Variants in ITGB3BP observed in about 807,000 individuals in gnomAD.
The protein encoded by ITGB3BP is centromere protein R.
A neutral mutation model predicts 29.1 loss-of-function variants in ITGB3BP; 27 were observed. That is an observed-to-expected ratio of 0.93 (90% CI 0.68 to 1.28). The LOEUF is 1.28. Ranked by LOEUF, ITGB3BP falls within the 50% of genes most tolerant of loss-of-function variation. ITGB3BP has a pLI of 0.00. For synonymous variants in ITGB3BP, 61 were observed against 61.4 expected (o/e 0.99, Z 0.03); for missense variants, 192 against 200.2 (o/e 0.96, Z 0.25).
At chr1:63,495,613 C>T (rs1428860947) in intron 2 of ITGB3BP, among the ~76,000 whole-genome samples, 2 of 150,770 alleles carry the variant, frequency 1.3e-5, no homozygotes, top group Admixed American at 6.6e-5. Flanking sequence ...GGGCAGCTGG[C>T]ACTGCCATGT....
At chr1:63,523,245 T>G, upstream of ITGB3BP, 1 of 1,444,414 alleles carries the variant, frequency 6.9e-7, no homozygotes. Flanking sequence ...GCGCTGGACG[T>G]TGCGTCAAGC....
intron 4 of ITGB3BP, among the ~76,000 whole-genome samples, chr1:63,470,554 A>T (rs1241032547): frequency 1.3e-5 from 2 of 152,212 alleles, no homozygotes; most frequent in Non-Finnish European, 2.9e-5. Flanking sequence ...TTTTTTCCAC[A>T]TCCAACATTA....
chr1:63,522,626 C>T (rs571971414), intron 1 of ITGB3BP, among the ~76,000 whole-genome samples: 25 of 151,968 alleles, frequency 1.6e-4, no homozygotes, highest in Middle Eastern at 6.8e-3. Context: ...TCATGCAGTA[C>T]AAACTTATTT....
chr1:63,515,289 T>C (rs999110667), intron 1 of ITGB3BP, among the ~76,000 whole-genome samples: 1 of 152,204 alleles, frequency 6.6e-6, no homozygotes, highest in Non-Finnish European at 1.5e-5. Flanking sequence ...TGAGCTGCTT[T>C]GGTACCTTTG....
At chr1:63,457,398 T>G (rs1252292437) in intron 4 of ITGB3BP, 1 of 152,186 alleles carries the variant, frequency 6.6e-6, no homozygotes, top group Non-Finnish European at 1.5e-5. Context: ...GCATTGCTAC[T>G]GAGAGCCCTT....
intron 4 of ITGB3BP, chr1:63,457,541 C>T (rs1484725882): frequency 1.3e-5 from 2 of 152,090 alleles, no homozygotes; most frequent in African/African-American, 4.8e-5. Flanking sequence ...TGAAAACCAA[C>T]GATCTTTCAT....
intron 4 of ITGB3BP, among the ~76,000 whole-genome samples, chr1:63,467,339 A>AT (rs1406835094): frequency 6.6e-6 from 1 of 151,414 alleles, no homozygotes; most frequent in Non-Finnish European, 1.5e-5. Context: ...AATTATAGTT[A>AT]TTTTCTAGGG....
At chr1:63,513,437 C>A (rs562926788) in intron 1 of ITGB3BP, among the ~76,000 whole-genome samples, 2 of 152,106 alleles carry the variant, frequency 1.3e-5, no homozygotes, top group Non-Finnish European at 2.9e-5. Context: ...GCACTTCCTA[C>A]CTTTCCAGCA....
intron 4 of ITGB3BP, among the ~76,000 whole-genome samples, chr1:63,469,074 T>C: frequency 6.6e-6 from 1 of 150,660 alleles, no homozygotes; most frequent in East Asian, 2.0e-4. Flanking sequence ...CTGCCCAACA[T>C]AAAGCTTTGT....
chr1:63,473,500 C>A (rs1381488592), intron 4 of ITGB3BP, among the ~76,000 whole-genome samples: 4 of 144,688 alleles, frequency 2.8e-5, no homozygotes, highest in Non-Finnish European at 6.2e-5. Flanking sequence ...GCCCGGCCAG[C>A]CGCCCAGTCC....
intron 8 of ITGB3BP, chr1:63,443,049 G>C (rs1004774577): frequency 6.6e-6 from 1 of 152,176 alleles, no homozygotes; most frequent in East Asian, 1.9e-4. Flanking sequence ...CTTTTTAAAG[G>C]CTCTGGGAGT....
intron 8 of ITGB3BP, among the ~76,000 whole-genome samples, chr1:63,443,572 C>T (rs1644754406): frequency 6.6e-6 from 1 of 152,108 alleles, no homozygotes; most frequent in Non-Finnish European, 1.5e-5. Flanking sequence ...TTTTATCATA[C>T]ATATGGTAGA....
chr1:63,499,915 C>T (rs1179304433), intron 2 of ITGB3BP, among the ~76,000 whole-genome samples: 1 of 152,154 alleles, frequency 6.6e-6, no homozygotes, highest in Non-Finnish European at 1.5e-5. Flanking sequence ...TTCTTTCCCT[C>T]TAAGATCAGG....
At chr1:63,514,028 A>T (rs1256909336) in intron 1 of ITGB3BP, among the ~76,000 whole-genome samples, 2 of 152,224 alleles carry the variant, frequency 1.3e-5, no homozygotes, top group African/African-American at 4.8e-5. Context: ...AGGGTACCTC[A>T]GGCTCCCTCC....
intron 1 of ITGB3BP, among the ~76,000 whole-genome samples, chr1:63,520,377 G>A (rs1299258704): frequency 1.3e-5 from 2 of 152,094 alleles, no homozygotes; most frequent in Non-Finnish European, 2.9e-5. Context: ...AAAAGTGAAG[G>A]TTTCAACCTA....
At chr1:63,477,581 G>T (rs774795730) in intron 4 of ITGB3BP, among the ~76,000 whole-genome samples, 1 of 152,094 alleles carries the variant, frequency 6.6e-6, no homozygotes, top group East Asian at 1.9e-4. Flanking sequence ...TTAGTAGGGC[G>T]TGGTGGCGTG....
At chr1:63,487,888 C>A (rs751494814) in intron 3 of ITGB3BP, among the ~76,000 whole-genome samples, 1 of 152,036 alleles carries the variant, frequency 6.6e-6, no homozygotes, top group South Asian at 2.1e-4. Flanking sequence ...AATGTTATGA[C>A]GGCTACCGGG....
At position 63,446,845 on chromosome 1, in the gene ITGB3BP, G is replaced by C; in HGVS notation, c.496C>G (p.Leu166Val). The C allele has an allele frequency of 6.2e-6, 10 of 1,609,976 alleles. No individual in the cohort carries two copies. Among genetic ancestry groups the C allele is most frequent in the Non-Finnish European group, 7.6e-6 (9 of 1,176,938 alleles). ...TGLPHKASRH[L>V]DSYEFLKAIL... ...GCTTTAAGGAATTCATAGCTGTCAAGATGACGTGATGCTATATGAAAGAAG... is the reference window on the plus strand; with the variant it reads ...GCTTTAAGGAATTCATAGCTGTCAACATGACGTGATGCTATATGAAAGAAG... Residue 166 changes from leucine to valine, a missense_variant, in exon 8 of 9, where the codon CTT (leucine) becomes GTT (valine). Physicochemically the swap from Leu to Val is conservative, Grantham distance 32 (BLOSUM62 1). Transcript: ENST00000271002.
intron 2 of ITGB3BP, among the ~76,000 whole-genome samples, chr1:63,497,254 A>G (rs1645809406): frequency 6.7e-6 from 1 of 149,274 alleles, no homozygotes; most frequent in African/African-American, 2.6e-5. Flanking sequence ...GCAGTGAAAC[A>G]TGATTATACC....
Sources: allele counts gnomAD v4.1 joint callset (sites outside exome capture counted in the v4.1 genomes callset), GRCh38; gene constraint gnomAD v4.1.1; transcripts MANE v1.5; gene names NCBI Gene and HGNC (gene_info 2026-07-23, HGNC 2026-07-21).